NOS1AP: variants seen among roughly 807,000 people sequenced by gnomAD.
NOS1AP encodes the protein nitric oxide synthase 1 adaptor protein.
Under a neutral mutation model 56.2 loss-of-function variants are expected in NOS1AP, and 21 were observed. The observed-to-expected ratio is 0.37, with a 90% CI of 0.26 to 0.54. The LOEUF is 0.54. Among genes scored for constraint, NOS1AP ranks in the 20% least tolerant of loss-of-function variants. The pLI is 0.84. For missense variants in NOS1AP, 522 were observed against 657.8 expected (o/e 0.79, Z 2.26); for synonymous variants, 270 against 274.6 (o/e 0.98, Z 0.17).
intron 4 of NOS1AP, among the ~76,000 whole-genome samples, chr1:162,304,698 C>T (rs1655763573): frequency 6.7e-6 from 1 of 150,174 alleles, no homozygotes; most frequent in South Asian, 2.1e-4. Flanking sequence ...AACTTTAGTC[C>T]CTGTGTTTTC....
At chr1:162,366,967 G>A (rs1658106544) in intron 9 of NOS1AP, 85 bp from the exon 10 acceptor site, 1 of 1,531,160 alleles carries the variant, frequency 6.5e-7, no homozygotes. Flanking sequence ...GGCTTTGGCA[G>A]GGCACGGGCG....
intron 1 of NOS1AP, among the ~76,000 whole-genome samples, chr1:162,072,193 T>C (rs1691675363): frequency 6.6e-6 from 1 of 152,206 alleles, no homozygotes; most frequent in Non-Finnish European, 1.5e-5. Flanking sequence ...TGCATAAGAA[T>C]AATCAGGTGA....
At chr1:162,111,732 T>G (rs1647718320) in intron 1 of NOS1AP, among the ~76,000 whole-genome samples, 1 of 152,140 alleles carries the variant, frequency 6.6e-6, no homozygotes, top group South Asian at 2.1e-4. Flanking sequence ...AGGAGAATAT[T>G]TCTGGCCAAA....
intron 4 of NOS1AP, among the ~76,000 whole-genome samples, chr1:162,308,771 G>A (rs1655928807): frequency 6.6e-6 from 1 of 152,212 alleles, no homozygotes; most frequent in Non-Finnish European, 1.5e-5. Context: ...ATTGGTACAG[G>A]TGGTTACTAG....
intron 2 of NOS1AP, among the ~76,000 whole-genome samples, chr1:162,184,434 G>A (rs116691451): frequency 0.034 from 5,234 of 152,232 alleles, 132 homozygotes; most frequent in Non-Finnish European, 0.049. Context: ...TTGACACAGG[G>A]TTGCCGCAAA....
chr1:162,202,306 A>G (rs948000455), intron 2 of NOS1AP, among the ~76,000 whole-genome samples: 1 of 152,228 alleles, frequency 6.6e-6, no homozygotes, highest in Non-Finnish European at 1.5e-5. Flanking sequence ...AATCAGTGAA[A>G]CACCTGTAAT....
chr1:162,084,372 A>G (rs1008557927), intron 1 of NOS1AP, among the ~76,000 whole-genome samples: 3 of 152,166 alleles, frequency 2.0e-5, no homozygotes, highest in African/African-American at 7.2e-5. Flanking sequence ...GCCTCAGCTG[A>G]TACCACCCTG....
At chr1:162,081,544 CTT>C (rs111534489) in intron 1 of NOS1AP, among the ~76,000 whole-genome samples, 2 of 136,768 alleles carry the variant, frequency 1.5e-5, no homozygotes, top group Non-Finnish European at 3.2e-5. Flanking sequence ...CCTTTCCCAG[CTT>C]TTTTTTTTTT....
chr1:162,343,190 C>T (rs1215415491), intron 5 of NOS1AP, among the ~76,000 whole-genome samples: 1 of 152,188 alleles, frequency 6.6e-6, no homozygotes, highest in East Asian at 1.9e-4. Flanking sequence ...GGGTCAAGTT[C>T]TCTTCTTGGG....
chr1:162,178,121 T>C (rs6675125), intron 2 of NOS1AP, among the ~76,000 whole-genome samples: 79,479 of 152,134 alleles, frequency 0.52, 22,744 homozygotes, highest in East Asian at 0.76. Context: ...TTTAGATTGG[T>C]TTCTTTCACT....
chr1:162,091,793 G>A (rs1480891017), intron 1 of NOS1AP, among the ~76,000 whole-genome samples: 2 of 152,186 alleles, frequency 1.3e-5, no homozygotes, highest in Admixed American at 6.5e-5. Context: ...CAGCCCAGGA[G>A]CATGTGGAGT....
rs560438823 is a variant in NOS1AP, at chr1:162,219,645, G to A, written c.177+65169G>A. 5.9e-5 allele frequency among the ~76,000 whole-genome samples: 9 copies of A among 152,294 alleles called. 1 individual carries two copies. Among genetic ancestry groups the A allele is most frequent in the Middle Eastern group, 3.4e-3 (1 of 294 alleles). ...ACTGCTGGAGACAATGTTAATCTTC[G>A]AAGTGGCTGTTGCCCCCACCAGGGT... On this transcript the variant is annotated intron_variant, in intron 2 of 9. Coordinates refer to ENST00000361897, the MANE Select transcript of NOS1AP (RefSeq NM_014697.3).
intron 2 of NOS1AP, among the ~76,000 whole-genome samples, chr1:162,158,074 T>G (rs1650044846): frequency 6.6e-6 from 1 of 152,244 alleles, no homozygotes; most frequent in Non-Finnish European, 1.5e-5. Flanking sequence ...GTTAAGTATA[T>G]TCACACTGTT....
At chr1:162,208,808 G>A (rs4657171) in intron 2 of NOS1AP, among the ~76,000 whole-genome samples, 131,598 of 152,286 alleles carry the variant, frequency 0.86, 57,077 homozygotes, top group Non-Finnish European at 0.9. Flanking sequence ...TATACCGACC[G>A]TAAAGTAGAT....
chr1:162,343,321 C>A (rs1163487879), intron 5 of NOS1AP, among the ~76,000 whole-genome samples: 2 of 152,166 alleles, frequency 1.3e-5, no homozygotes, highest in African/African-American at 4.8e-5. Context: ...TAGTTGGCTG[C>A]CAACTAGTGG....
chr1:162,313,975 G>A (rs1405604249), intron 4 of NOS1AP, among the ~76,000 whole-genome samples: 2 of 152,194 alleles, frequency 1.3e-5, no homozygotes, highest in African/African-American at 4.8e-5. Flanking sequence ...ATGTTTTACT[G>A]TTGCATCCCA....
At chr1:162,139,671 C>A (rs1649150162) in intron 1 of NOS1AP, among the ~76,000 whole-genome samples, 1 of 152,166 alleles carries the variant, frequency 6.6e-6, no homozygotes, top group Admixed American at 6.5e-5. Context: ...TAATTTGAAT[C>A]TTTCGCCACA....
intron 2 of NOS1AP, among the ~76,000 whole-genome samples, chr1:162,158,173 C>T (rs980147959): frequency 6.6e-6 from 1 of 152,168 alleles, no homozygotes; most frequent in Non-Finnish European, 1.5e-5. Context: ...CTTGCCAGCC[C>T]TTGGGAACTA....
Position 162,345,954 on chromosome 1 carries a change from G to A in NOS1AP, c.595+1978G>A, listed in dbSNP as rs150171528. On this transcript the variant is annotated intron_variant, in intron 6 of 9. Coordinates refer to ENST00000361897, the MANE Select transcript of NOS1AP (RefSeq NM_014697.3). ...AAAATCCTGGAAAAGATGAATGATAGCAGAGGAGGAGTGGCTTTCCAGTAA... is the reference window on the plus strand; with the variant it reads ...AAAATCCTGGAAAAGATGAATGATAACAGAGGAGGAGTGGCTTTCCAGTAA... Among the ~76,000 whole-genome samples the A allele has an allele frequency of 3.5e-4, 53 of 152,236 alleles. 2 individuals are homozygous for A. The East Asian group carries it at 0.01, about 29-fold the overall frequency.
Sources: gnomAD v4.1 joint callset for allele counts (sites outside exome capture counted in the v4.1 genomes callset) on GRCh38, gnomAD v4.1.1 for gene constraint, MANE v1.5 for transcripts, NCBI Gene and HGNC (gene_info 2026-07-23, HGNC 2026-07-21) for gene names.